C6orf52: variants seen among roughly 807,000 people sequenced by gnomAD.
C6orf52 encodes putative uncharacterized protein C6orf52.
C6orf52 carries 16 observed loss-of-function variants against 16.6 expected under a neutral mutation model. The observed-to-expected ratio is 0.96, with a 90% CI of 0.65 to 1.46. The LOEUF is 1.46. Ranked by LOEUF, C6orf52 falls within the 40% of genes most tolerant of loss-of-function variation. The probability of loss-of-function intolerance (pLI) is 0.00; values close to 1 mark genes in which losing one functional copy is unlikely to be tolerated. For missense variants in C6orf52, 166 were observed against 182.3 expected, an observed-to-expected ratio of 0.91 and a Z score of 0.52; for synonymous variants, 53 against 61.4, an observed-to-expected ratio of 0.86 and a Z score of 0.64.
At chr6:10,694,450 C>CG (rs1187642719) in intron 1 of C6orf52, 44 bp downstream of exon 1, 3 of 154,502 alleles carry the variant, frequency 1.9e-5, no homozygotes, top group African/African-American at 4.8e-5. Context: ...AGCGCTGCGC[C>CG]GCTGGAACAA....
At chr6:10,684,725 G>A in intron 3 of C6orf52, 4 of 503,450 alleles carry the variant, frequency 7.9e-6, no homozygotes, top group East Asian at 1.4e-4. Flanking sequence ...TAAAGGTTAT[G>A]GACAGAGGCA....
intron 1 of C6orf52, among the ~76,000 whole-genome samples, chr6:10,691,182 A>G (rs369356777): frequency 6.6e-6 from 1 of 152,192 alleles, no homozygotes; most frequent in African/African-American, 2.4e-5. Flanking sequence ...GCTTACACTA[A>G]TCTTTTTGAA....
In C6orf52 at chr6:10,687,577, G is replaced by A. The variant is rs566861316; in HGVS notation, c.-11-16C>T. 1.3e-5 allele frequency: 20 copies of A among 1,493,672 alleles called. No homozygotes were observed. The South Asian group carries it at 2.1e-4, about 15-fold the overall frequency. The allele number at this position is 1,493,672 out of a possible 1,614,324, so 92.5% of individuals were successfully genotyped here. ...TACCCAGAAACTTTACAAAAAGAGA[G>A]CAGAATCCAGTTTTTATTCCTGCGT... On this transcript the variant is annotated splice_polypyrimidine_tract_variant and intron_variant, in intron 1 of 4. Transcript: ENST00000259983.
intron 1 of C6orf52, among the ~76,000 whole-genome samples, chr6:10,690,096 A>G (rs942208275): frequency 1.1e-4 from 16 of 152,184 alleles, no homozygotes; most frequent in African/African-American, 3.9e-4. Flanking sequence ...AGGAGGTGCT[A>G]AGGAGGCTGA....
At chr6:10,672,112 G>T (rs901828492) in intron 4 of C6orf52, among the ~76,000 whole-genome samples, 2 of 152,234 alleles carry the variant, frequency 1.3e-5, no homozygotes, top group African/African-American at 4.8e-5. Context: ...CTGGAACCCT[G>T]TGACGAGATG....
chr6:10,681,264 AT>A (rs1768365831), intron 4 of C6orf52, among the ~76,000 whole-genome samples: 1 of 151,972 alleles, frequency 6.6e-6, no homozygotes, highest in Non-Finnish European at 1.5e-5. Flanking sequence ...ATTGTTCATA[AT>A]TGTCTTTTAT....
upstream of C6orf52, chr6:10,694,807 TC>T: frequency 1.8e-6 from 1 of 555,494 alleles, no homozygotes; most frequent in East Asian, 3.0e-5. Flanking sequence ...CCATGTGACC[TC>T]CCCGCGCTTA....
At chr6:10,677,853 T>C (rs989879377) in intron 4 of C6orf52, among the ~76,000 whole-genome samples, 36 of 151,846 alleles carry the variant, frequency 2.4e-4, no homozygotes, top group African/African-American at 8.7e-4. Context: ...TCTATTTCTA[T>C]GTAGAATGCC....
intron 1 of C6orf52, among the ~76,000 whole-genome samples, chr6:10,692,950 A>G (rs1769477401): frequency 6.6e-6 from 1 of 152,260 alleles, no homozygotes; most frequent in Admixed American, 6.5e-5. Context: ...CAGATGACGT[A>G]GAAAGTAAAA....
chr6:10,694,630 C>CATTATAAAA, upstream of C6orf52: 1 of 199,050 alleles, frequency 5.0e-6, no homozygotes, highest in South Asian at 8.0e-5. Flanking sequence ...CCCACCTCCT[C>CATTATAAAA]CTGATGTCAC....
At chr6:10,671,690 T>C in intron 4 of C6orf52, 92 bp from the exon 5 acceptor site, 1 of 777,138 alleles carries the variant, frequency 1.3e-6, no homozygotes, top group Admixed American at 3.4e-5. Flanking sequence ...TAGAAAGCAT[T>C]TGCAGGAAGT....
In C6orf52 at chr6:10,671,450, C is replaced by G; in HGVS notation, c.*6G>C. ...GATAATTGCGGAGTTTAATGAACAC[C>G]TTGCTTCACTTCGGGGTCTCATCTG... On this transcript the variant is annotated 3_prime_UTR_variant, in exon 5 of 5. Transcript: ENST00000259983. 1 of 1,528,594 alleles carries G rather than the reference C, an allele frequency of 6.5e-7. No homozygotes were observed. Among genetic ancestry groups the G allele is most frequent in the South Asian group, 1.3e-5 (1 of 79,076 alleles). 94.7% of individuals were successfully genotyped at this position (1,528,594 alleles called of 1,614,324 possible).
chr6:10,694,600 G>GT lies in C6orf52; in HGVS notation c.-119_-118insA. The GT allele has an allele frequency of 2.3e-5, 4 of 173,902 alleles. No homozygotes were observed. Among genetic ancestry groups the GT allele is most frequent in the South Asian group, 2.3e-4 (2 of 8,590 alleles). 10.8% of individuals were successfully genotyped at this position (173,902 alleles called of 1,614,324 possible). A position where few individuals can be genotyped will look rare whatever the true frequency, so the allele number is the denominator to read the frequency against. ...ACGCTGCCGGCGCTACAGCCCCTAA[G>GT]CAACCGGCCGGAAGTCGGCCCCACC... On this transcript the variant is annotated 5_prime_UTR_variant, in exon 1 of 5. Coordinates refer to ENST00000259983, the MANE Select transcript of C6orf52 (RefSeq NM_001145020.3).
chr6:10,678,667 G>C (rs1453688858), intron 4 of C6orf52, among the ~76,000 whole-genome samples: 2 of 152,130 alleles, frequency 1.3e-5, no homozygotes, highest in Non-Finnish European at 2.9e-5. Context: ...ACATTGGCTG[G>C]GCATGGTGGC....
At chr6:10,693,146 T>TAG (rs1450104183) in intron 1 of C6orf52, among the ~76,000 whole-genome samples, 2 of 152,204 alleles carry the variant, frequency 1.3e-5, no homozygotes, top group Non-Finnish European at 2.9e-5. Context: ...CACAGCCTGT[T>TAG]TAGCAAATCG....
chr6:10,692,069 A>G (rs766626041), intron 1 of C6orf52, among the ~76,000 whole-genome samples: 1 of 152,222 alleles, frequency 6.6e-6, no homozygotes. Flanking sequence ...CTCAAACAGC[A>G]GTTGAGATGT....
At chr6:10,671,962 C>G (rs1267094415) in intron 4 of C6orf52, among the ~76,000 whole-genome samples, 1 of 152,176 alleles carries the variant, frequency 6.6e-6, no homozygotes, top group Non-Finnish European at 1.5e-5. Flanking sequence ...AAACAATGAA[C>G]CAAGCCAAGG....
At chr6:10,694,688 G>C, upstream of C6orf52, 1 of 310,734 alleles carries the variant, frequency 3.2e-6, no homozygotes. Flanking sequence ...CCCTTCAGAC[G>C]GGCGTAGCTG....
chr6:10,683,721 C>A lies in C6orf52; in HGVS notation c.271-489G>T, dbSNP rs376497066. On this transcript the variant is annotated intron_variant, in intron 3 of 4. Transcript: ENST00000259983. ...CAGCTAAGAACCAGGATATTAGGTGCTCAAGAAAATGCAGAGGCTACAGCA... is the reference window on the plus strand; with the variant it reads ...CAGCTAAGAACCAGGATATTAGGTGATCAAGAAAATGCAGAGGCTACAGCA... Among the ~76,000 whole-genome samples, 17 of 152,324 alleles carry A rather than the reference C, an allele frequency of 1.1e-4. No individual in the cohort carries two copies. The South Asian group carries it at 3.5e-3, about 32-fold the overall frequency.
Sources: allele counts gnomAD v4.1 joint callset (sites outside exome capture counted in the v4.1 genomes callset), GRCh38; gene constraint gnomAD v4.1.1; transcripts MANE v1.5; gene names NCBI Gene and HGNC (gene_info 2026-07-23, HGNC 2026-07-21).